Variants in RPGRIP1L observed in about 807,000 individuals in gnomAD.
RPGRIP1L encodes the protein protein fantom.
Under a neutral mutation model 160.4 loss-of-function variants are expected in RPGRIP1L, and 131 were observed. The observed-to-expected ratio is 0.82, with a 90% CI of 0.71 to 0.94. RPGRIP1L has a LOEUF of 0.94. RPGRIP1L is among the 40% of genes least tolerant of loss of function. The probability of loss-of-function intolerance (pLI) is 0.00; values close to 1 mark genes in which losing one functional copy is unlikely to be tolerated. For synonymous variants in RPGRIP1L, 510 were observed against 515.8 expected (o/e 0.99, Z 0.15); for missense variants, 1,522 against 1,535.8 (o/e 0.99, Z 0.15).
At chr16:53,685,845 G>A (rs1483840301) in intron 6 of RPGRIP1L, among the ~76,000 whole-genome samples, 1 of 152,088 alleles carries the variant, frequency 6.6e-6, no homozygotes, top group East Asian at 1.9e-4. Context: ...TACACATCCT[G>A]TACATGTACC....
At chr16:53,615,666 G>T (rs1964330345) in intron 24 of RPGRIP1L, among the ~76,000 whole-genome samples, 1 of 151,600 alleles carries the variant, frequency 6.6e-6, no homozygotes, top group African/African-American at 2.4e-5. Context: ...TAGAGATGGG[G>T]TTTCACCATG....
chr16:53,692,481 A>T (rs1438528665), intron 3 of RPGRIP1L, 117 bp from the exon 4 acceptor site: 3 of 987,314 alleles, frequency 3.0e-6, no homozygotes, highest in Non-Finnish European at 4.7e-6. Flanking sequence ...AATAAATTTC[A>T]GGTTTTGATG....
At chr16:53,653,442 G>A in intron 14 of RPGRIP1L, 1 of 655,850 alleles carries the variant, frequency 1.5e-6, no homozygotes, top group Non-Finnish European at 1.9e-6. Flanking sequence ...TCCTGATCAT[G>A]ATGATGGTTT....
Position 53,658,476 on chromosome 16 carries a change from T to C in RPGRIP1L, c.1351-12A>G, listed in dbSNP as rs374000859. The C allele has an allele frequency of 3.0e-5, 48 of 1,595,498 alleles. No individual in the cohort carries two copies. In the Middle Eastern group the frequency reaches 6.7e-4, roughly 22 times the overall value. On this transcript the variant is annotated splice_polypyrimidine_tract_variant and intron_variant, in intron 11 of 26. Transcript: ENST00000647211. ...TTAATATCATTCTCCTGCAATAGAT[T>C]AAGTAAAAGCTCACAATGAGTTATG...
chr16:53,692,413 A>G (rs1970452762), intron 3 of RPGRIP1L, 49 bp from the exon 4 acceptor site: 8 of 1,543,798 alleles, frequency 5.2e-6, no homozygotes, highest in Non-Finnish European at 6.3e-6. Flanking sequence ...GTCAGCATAA[A>G]ATCCATTCTG....
chr16:53,693,389 T>TA (rs1970518868), intron 3 of RPGRIP1L: 1 of 152,166 alleles, frequency 6.6e-6, no homozygotes, highest in Admixed American at 6.5e-5. Context: ...AAAAGTGAAA[T>TA]AAAAAAACCT....
chr16:53,668,053 G>A (rs1280506774), intron 9 of RPGRIP1L, among the ~76,000 whole-genome samples: 2 of 149,756 alleles, frequency 1.3e-5, no homozygotes, highest in African/African-American at 4.9e-5. Flanking sequence ...GCAAGATCCT[G>A]TCTCTCTGTC....
intron 6 of RPGRIP1L, among the ~76,000 whole-genome samples, chr16:53,683,646 G>A (rs1248226707): frequency 6.6e-6 from 1 of 150,608 alleles, no homozygotes; most frequent in Non-Finnish European, 1.5e-5. Flanking sequence ...TGATGTGTAT[G>A]TGGGGGTTCA....
At position 53,666,059 on chromosome 16, in the gene RPGRIP1L, T is replaced by C. The variant is rs573017329; in HGVS notation, c.1104-1050A>G. Among the ~76,000 whole-genome samples, 27 of 152,284 alleles carry C rather than the reference T, an allele frequency of 1.8e-4. No homozygotes were observed. The South Asian group carries it at 5.6e-3, about 32-fold the overall frequency. On this transcript the variant is annotated intron_variant, in intron 9 of 26. Transcript: ENST00000647211. The stretch of plus-strand genomic sequence containing the variant: ...AAGCCCAGTAAATACAACAAAAACT[T>C]ATAAAATCTTGTTTTATACGATGAT...
chr16:53,645,550 G>A lies in RPGRIP1L; in HGVS notation c.2683+75C>T, dbSNP rs1044860182. ...GAGGTTAGGGTGATTAGTTATAAAC[G>A]AATCATATCCATAACACTAAGGTAT... On this transcript the variant is annotated intron_variant, in intron 17 of 26. Transcript: ENST00000647211. 16 of 1,362,798 alleles carry A rather than the reference G, an allele frequency of 1.2e-5. No homozygotes were observed. The African/African-American group carries it at 1.4e-4, about 12-fold the overall frequency. The allele number at this position is 1,362,798 out of a possible 1,614,324, so 84.4% of individuals were successfully genotyped here.
At chr16:53,621,725 T>C (rs75759326) in intron 23 of RPGRIP1L, among the ~76,000 whole-genome samples, 1,632 of 152,244 alleles carry the variant, frequency 0.011, 16 homozygotes, top group Middle Eastern at 0.054. Context: ...GCCCCTCTGA[T>C]TAAAAAGTTC....
chr16:53,662,195 A>C (rs1967860372), intron 10 of RPGRIP1L, among the ~76,000 whole-genome samples: 1 of 152,136 alleles, frequency 6.6e-6, no homozygotes, highest in Non-Finnish European at 1.5e-5. Flanking sequence ...GCAGAGAACA[A>C]TTCAACTAAA....
In RPGRIP1L at chr16:53,645,962, T is replaced by C; in HGVS notation, c.2346A>G (p.Thr782=). ...QAPKTAQLSS[T]DSTDGNLNEL... ...CATTTAAGTTGCCATCTGTGGAATC[T>C]GTAGAACTGAGTTGAGCAGTTTTGG... Residue 782 remains threonine, a synonymous_variant, in exon 17 of 27, where the codon ACA becomes ACG. Coordinates refer to ENST00000647211, the MANE Select transcript of RPGRIP1L (RefSeq NM_015272.5). The C allele has an allele frequency of 6.2e-7, 1 of 1,614,174 alleles. No individual in the cohort carries two copies. Among genetic ancestry groups the C allele is most frequent in the South Asian group, 1.1e-5 (1 of 91,080 alleles).
chr16:53,613,250 C>A (rs1052404053), intron 24 of RPGRIP1L, among the ~76,000 whole-genome samples: 1 of 151,852 alleles, frequency 6.6e-6, no homozygotes, highest in Admixed American at 6.6e-5. Flanking sequence ...GATTTCAATT[C>A]TTTTTGGTAT....
chr16:53,601,698 T>G lies in RPGRIP1L; in HGVS notation c.*378A>C. Reference sequence around the variant, plus strand: ...TTAGGGATAACATAAAAGTATTTCTTTTTCATAGGTTTTCTAAGATTTATG... The same window carrying G: ...TTAGGGATAACATAAAAGTATTTCTGTTTCATAGGTTTTCTAAGATTTATG... On this transcript the variant is annotated 3_prime_UTR_variant, in exon 27 of 27. Transcript: ENST00000647211. 1 of 220,824 alleles carries G rather than the reference T, an allele frequency of 4.5e-6. No homozygotes were observed. The highest frequency in any genetic ancestry group is 9.2e-6 in the Non-Finnish European group (1 of 108,162). The allele number at this position is 220,824 out of a possible 1,614,324, so 13.7% of individuals were successfully genotyped here.
rs527556198 is a variant in RPGRIP1L, at chr16:53,640,876, A to C, written c.2958+157T>G. ...TAAAAAATTTGAACAGTTAACACTT[A>C]TATATAGTGCCGAAACACAAAGCAA... On this transcript the variant is annotated intron_variant, in intron 19 of 26. Coordinates refer to ENST00000647211, the MANE Select transcript of RPGRIP1L (RefSeq NM_015272.5). 3.9e-5 allele frequency among the ~76,000 whole-genome samples: 6 copies of C among 152,328 alleles called. No homozygotes were observed. The East Asian group carries it at 9.6e-4, about 24-fold the overall frequency.
rs752598081 is a variant in RPGRIP1L, at chr16:53,652,735, A to G, written c.1952T>C (p.Leu651Pro). The G allele has an allele frequency of 1.5e-5, 24 of 1,614,048 alleles. No homozygotes were observed. Among genetic ancestry groups the G allele is most frequent in the Non-Finnish European group, 2.0e-5 (24 of 1,180,012 alleles). ...ELQTTPVVRG[L>P]HPEYNFTSQY... ...AGAAGTGAAGTTATATTCGGGATGA[A>G]GGCCTCGCACTACGGGAGTTGTCTG... The change falls in exon 15 of 27, where the codon CTT (leucine) becomes CCT (proline). Residue 651 changes from leucine to proline, a missense_variant. Physicochemically the swap from Leu to Pro is moderately conservative, Grantham distance 98 (BLOSUM62 -3). Transcript: ENST00000647211.
chr16:53,608,210 T>G (rs1188412993), intron 25 of RPGRIP1L, among the ~76,000 whole-genome samples: 1 of 152,216 alleles, frequency 6.6e-6, no homozygotes, highest in East Asian at 1.9e-4. Context: ...AATGATCTTC[T>G]CTGAGCTTTT....
At chr16:53,630,169 A>G (rs974848761) in intron 22 of RPGRIP1L, among the ~76,000 whole-genome samples, 1 of 152,076 alleles carries the variant, frequency 6.6e-6, no homozygotes, top group African/African-American at 2.4e-5. Context: ...CTCAGCCTTC[A>G]GAGTAGCTAG....
Sources: gnomAD v4.1 joint callset for allele counts (sites outside exome capture counted in the v4.1 genomes callset) on GRCh38, gnomAD v4.1.1 for gene constraint, MANE v1.5 for transcripts, NCBI Gene and HGNC (gene_info 2026-07-23, HGNC 2026-07-21) for gene names.